Variants in NPSR1 observed in about 807,000 individuals in gnomAD.
The protein encoded by NPSR1 is neuropeptide S receptor.
In NPSR1, 48 loss-of-function variants were observed where a neutral mutation model predicts 46.9. That is an observed-to-expected ratio of 1.02 (90% CI 0.81 to 1.30). NPSR1 has a LOEUF of 1.30. NPSR1 is among the 50% of genes most tolerant of loss of function. The pLI is 0.00. For missense variants in NPSR1, 450 were observed against 449.5 expected (o/e 1.00, Z -0.01); for synonymous variants, 176 against 168.1 (o/e 1.05, Z -0.36).
intron 6 of NPSR1, among the ~76,000 whole-genome samples, chr7:34,840,885 G>A (rs879683066): frequency 2.6e-5 from 4 of 152,156 alleles, no homozygotes; most frequent in Non-Finnish European, 4.4e-5. Flanking sequence ...AGAAAAACTA[G>A]AGGGACAAAG....
intron 8 of NPSR1, among the ~76,000 whole-genome samples, chr7:34,874,080 A>C (rs991207151): frequency 1.3e-5 from 2 of 151,390 alleles, no homozygotes; most frequent in Non-Finnish European, 2.9e-5. Context: ...GAAGTGAGTA[A>C]ATTTCCCAAC....
chr7:34,706,144 T>C (rs539344484), intron 2 of NPSR1, among the ~76,000 whole-genome samples: 143 of 152,180 alleles, frequency 9.4e-4, no homozygotes, highest in African/African-American at 3.3e-3. Flanking sequence ...TCTTTCTTGA[T>C]AGGTTATCCA....
chr7:34,813,981 C>T (rs1178011237), intron 4 of NPSR1, among the ~76,000 whole-genome samples: 4 of 152,180 alleles, frequency 2.6e-5, no homozygotes, highest in African/African-American at 9.7e-5. Context: ...TCTGCAGCTC[C>T]CAGCATGATC....
chr7:34,865,312 G>A (rs1057274920), intron 8 of NPSR1, among the ~76,000 whole-genome samples: 1 of 151,834 alleles, frequency 6.6e-6, no homozygotes, highest in African/African-American at 2.4e-5. Context: ...AAGGGCTGAT[G>A]CGGGACAGGT....
chr7:34,845,466 T>C (rs1562770164), intron 7 of NPSR1: 1 of 421,886 alleles, frequency 2.4e-6, no homozygotes, highest in East Asian at 7.1e-5. Flanking sequence ...CTCTCTACTC[T>C]TAAGACTCAT....
intron 2 of NPSR1, among the ~76,000 whole-genome samples, chr7:34,773,825 G>C (rs1326897708): frequency 6.6e-6 from 1 of 152,172 alleles, no homozygotes; most frequent in Non-Finnish European, 1.5e-5. Flanking sequence ...ATGTCAACTG[G>C]ACAAGTTATC....
chr7:34,834,244 A>G, intron 5 of NPSR1, 140 bp from the exon 6 acceptor site: 1 of 661,064 alleles, frequency 1.5e-6, no homozygotes, highest in Non-Finnish European at 2.7e-6. Flanking sequence ...TTCTATGAAC[A>G]GCAAGTATAA....
chr7:34,700,761 C>A (rs1001204451), intron 2 of NPSR1, among the ~76,000 whole-genome samples: 1 of 152,128 alleles, frequency 6.6e-6, no homozygotes, highest in Non-Finnish European at 1.5e-5. Context: ...TGAAAAGTGA[C>A]AATTTCTCTG....
intron 8 of NPSR1, among the ~76,000 whole-genome samples, chr7:34,860,369 T>C (rs1791159842): frequency 6.6e-6 from 1 of 151,826 alleles, no homozygotes; most frequent in Admixed American, 6.5e-5. Context: ...TGGATATTTA[T>C]AATCCATTCA....
intron 8 of NPSR1, among the ~76,000 whole-genome samples, chr7:34,864,061 T>C (rs1791250678): frequency 6.6e-6 from 1 of 151,832 alleles, no homozygotes; most frequent in Non-Finnish European, 1.5e-5. Flanking sequence ...GATGAGTTCA[T>C]GTCCTTTGCA....
chr7:34,791,872 T>C (rs1283081416), intron 3 of NPSR1, among the ~76,000 whole-genome samples: 1 of 151,920 alleles, frequency 6.6e-6, no homozygotes, highest in African/African-American at 2.4e-5. Flanking sequence ...TGAAACAGAA[T>C]AAAGAAGCCA....
At chr7:34,750,364 G>T in intron 2 of NPSR1, 1 of 735,208 alleles carries the variant, frequency 1.4e-6, no homozygotes, top group Non-Finnish European at 2.6e-6. Context: ...CACTTGAGAA[G>T]ACAACTTTTG....
At position 34,658,299 on chromosome 7, in the gene NPSR1, C is replaced by T. The variant is rs1182348733; in HGVS notation, c.-114C>T. 1.7e-6 allele frequency: 2 copies of T among 1,178,700 alleles called. No individual in the cohort carries two copies. The highest frequency in any genetic ancestry group is 2.0e-5 in the Admixed American group (1 of 48,844). 73.0% of individuals were successfully genotyped at this position (1,178,700 alleles called of 1,614,324 possible). A position where few individuals can be genotyped will look rare whatever the true frequency, so the allele number is the denominator to read the frequency against. On this transcript the variant is annotated 5_prime_UTR_variant, in exon 1 of 9. Coordinates refer to ENST00000360581, the MANE Select transcript of NPSR1 (RefSeq NM_207172.2). ...TTCAGTGAGGTGGGCTCAGGGAGGG[C>T]TCTGTGCCTCCGTTCAGCAGAGCTG...
chr7:34,807,394 C>T (rs566457695), intron 3 of NPSR1, among the ~76,000 whole-genome samples: 1 of 151,836 alleles, frequency 6.6e-6, no homozygotes, highest in Non-Finnish European at 1.5e-5. Flanking sequence ...AAACTTTGAA[C>T]GGTTTCATTA....
chr7:34,789,886 G>A (rs908359186), intron 3 of NPSR1, among the ~76,000 whole-genome samples: 5 of 151,674 alleles, frequency 3.3e-5, no homozygotes, highest in African/African-American at 1.2e-4. Context: ...GTAATAAAAT[G>A]TTTCCATTCC....
At chr7:34,737,025 C>G (rs1784710698) in intron 2 of NPSR1, among the ~76,000 whole-genome samples, 1 of 151,362 alleles carries the variant, frequency 6.6e-6, no homozygotes, top group Admixed American at 6.6e-5. Context: ...TTTAGCACCT[C>G]CTCTTTCATC....
rs147886330 is a variant in NPSR1 at position 34,820,171 on chromosome 7, G to T, written c.479-7230G>T. 1.3e-4 allele frequency among the ~76,000 whole-genome samples: 20 copies of T among 152,342 alleles called. No individual in the cohort carries two copies. In the East Asian group the frequency reaches 2.7e-3, roughly 21 times the overall value. On this transcript the variant is annotated intron_variant, in intron 4 of 8. Transcript: ENST00000360581. ...GGGGGACAGGAAGAAGCCTTTGGAG[G>T]TGATGGATACATTTATGGCATTGCT...
chr7:34,850,777 A>G (rs1790914183), downstream of NPSR1, among the ~76,000 whole-genome samples: 3 of 152,126 alleles, frequency 2.0e-5, no homozygotes, highest in South Asian at 6.2e-4. Context: ...TCACACCTCA[A>G]GGACAAGTCT....
At chr7:34,763,727 T>C (rs1353014611) in intron 2 of NPSR1, among the ~76,000 whole-genome samples, 1 of 152,158 alleles carries the variant, frequency 6.6e-6, no homozygotes, top group East Asian at 1.9e-4. Context: ...AGAAATGGCA[T>C]GGCAGAGTGA....
Sources: gnomAD v4.1 joint callset for allele counts (sites outside exome capture counted in the v4.1 genomes callset) on GRCh38, gnomAD v4.1.1 for gene constraint, MANE v1.5 for transcripts, NCBI Gene and HGNC (gene_info 2026-07-23, HGNC 2026-07-21) for gene names.